PARD3: variants seen among roughly 807,000 people sequenced by gnomAD.
PARD3 encodes par-3 family cell polarity regulator, also known as partitioning defective 3 homolog.
A neutral mutation model predicts 155.4 loss-of-function variants in PARD3; 75 were observed. The ratio of observed to expected loss-of-function variants is 0.48; its 90% CI spans 0.40 to 0.58. PARD3 has a LOEUF of 0.58. Ranked by LOEUF, PARD3 falls within the 20% of genes least tolerant of loss-of-function variation. The pLI is 0.00. For synonymous variants in PARD3, 576 were observed against 610.5 expected (o/e 0.94, Z 0.83); for missense variants, 1,642 against 1,721.7 (o/e 0.95, Z 0.82).
intron 4 of PARD3, among the ~76,000 whole-genome samples, chr10:34,454,332 T>C (rs1275427162): frequency 2.0e-5 from 3 of 152,080 alleles, no homozygotes. Flanking sequence ...GCATACAATG[T>C]ATTAAATATT....
rs994346345 is a variant in PARD3, at chr10:34,359,196, C to T, written c.2018G>A (p.Arg673Gln). The stretch of plus-strand genomic sequence containing the variant: ...TGCAACAATAAGCTGGATCATTCCT[C>T]GTTTATTGCCTTCAGTAGACATAGA... ...RRSMSTEGNK[R>Q]GMIQLIVARR... The change falls in exon 14 of 25, where the codon CGA (arginine) becomes CAA (glutamine). Residue 673 changes from arginine to glutamine, a missense_variant. Arg to Gln is a conservative substitution (Grantham distance 43). Coordinates refer to ENST00000374788, the MANE Select transcript of PARD3 (RefSeq NM_001184785.2). The T allele has an allele frequency of 4.3e-6, 7 of 1,613,958 alleles. No individual in the cohort carries two copies. The highest frequency in any genetic ancestry group is 2.2e-5 in the East Asian group (1 of 44,864).
At chr10:34,367,632 C>T (rs1200500474) in intron 12 of PARD3, among the ~76,000 whole-genome samples, 1 of 152,056 alleles carries the variant, frequency 6.6e-6, no homozygotes, top group African/African-American at 2.4e-5. Flanking sequence ...TGAGCCTGGG[C>T]GAGAAGGTTG....
At chr10:34,306,626 G>A (rs1957422981) in intron 20 of PARD3, among the ~76,000 whole-genome samples, 1 of 152,090 alleles carries the variant, frequency 6.6e-6, no homozygotes, top group African/African-American at 2.4e-5. Context: ...TCCAGCCTGG[G>A]CAACAAGAGC....
chr10:34,162,609 A>G (rs1010765061), intron 22 of PARD3, among the ~76,000 whole-genome samples: 3 of 152,228 alleles, frequency 2.0e-5, no homozygotes, highest in Admixed American at 6.5e-5. Flanking sequence ...CTGCCCTTAC[A>G]GAACAACTGT....
At chr10:34,476,579 C>A (rs1269277699) in intron 3 of PARD3, among the ~76,000 whole-genome samples, 4 of 152,130 alleles carry the variant, frequency 2.6e-5, no homozygotes, top group African/African-American at 9.7e-5. Flanking sequence ...CTCTGGGCCT[C>A]CATCCCTAAT....
chr10:34,798,369 G>C (rs868290750), intron 1 of PARD3, among the ~76,000 whole-genome samples: 4 of 150,398 alleles, frequency 2.7e-5, no homozygotes, highest in Non-Finnish European at 3.0e-5. Flanking sequence ...GAAAGGAGAA[G>C]AAGAAATGAG....
chr10:34,640,109 G>A (rs1009640477), intron 2 of PARD3, among the ~76,000 whole-genome samples: 1 of 152,114 alleles, frequency 6.6e-6, no homozygotes, highest in African/African-American at 2.4e-5. Context: ...TTGTACAACT[G>A]AAGAAAGAAC....
In PARD3 at chr10:34,227,854, T is replaced by TATA. The variant is rs1952683542; in HGVS notation, c.3419+41802_3419+41803insTAT. On this transcript the variant is annotated intron_variant, in intron 22 of 24. Coordinates refer to ENST00000374788, the MANE Select transcript of PARD3 (RefSeq NM_001184785.2). ...TATATTCCCAGTAATGGGAATTATT[T>TATA]TTTATATATATATATATATATATAT... Among the ~76,000 whole-genome samples, 5 of 26,496 alleles carry TATA rather than the reference T, an allele frequency of 1.9e-4. 1 individual carries two copies. Among genetic ancestry groups the TATA allele is most frequent in the African/African-American group, 3.8e-4 (5 of 13,290 alleles). 17.4% of individuals were successfully genotyped at this position (26,496 alleles called of 152,430 possible). A position where few individuals can be genotyped will look rare whatever the true frequency, so the allele number is the denominator to read the frequency against.
At chr10:34,799,385 G>A (rs941355816) in intron 1 of PARD3, among the ~76,000 whole-genome samples, 2 of 152,066 alleles carry the variant, frequency 1.3e-5, no homozygotes, top group Non-Finnish European at 2.9e-5. Context: ...TGGGCCCCGA[G>A]ATTGTACATT....
rs374376457 is a variant in PARD3 at position 34,649,216 on chromosome 10, G to A, written c.222+47102C>T. Among the ~76,000 whole-genome samples the A allele has an allele frequency of 6.4e-4, 98 of 152,312 alleles. 1 individual carries two copies. Among genetic ancestry groups the A allele is most frequent in the African/African-American group, 2.3e-3 (97 of 41,564 alleles). ...TCTCAGCACTTCGGGAGCCAAGGAA[G>A]GAGGATTATTTGAGCTCAGGAGTTT... On this transcript the variant is annotated intron_variant, in intron 2 of 24. Transcript: ENST00000374788.
intron 2 of PARD3, among the ~76,000 whole-genome samples, chr10:34,654,885 T>C (rs1254390287): frequency 6.6e-6 from 1 of 151,850 alleles, no homozygotes; most frequent in African/African-American, 2.4e-5. Flanking sequence ...ACACACCTGT[T>C]ACCAGCTTTC....
chr10:34,499,841 A>G (rs1353471867), intron 3 of PARD3, among the ~76,000 whole-genome samples: 2 of 152,234 alleles, frequency 1.3e-5, no homozygotes, highest in Non-Finnish European at 2.9e-5. Flanking sequence ...AGAATGCTCC[A>G]GTCCTGGATA....
chr10:34,587,762 A>G (rs181487184), intron 2 of PARD3, among the ~76,000 whole-genome samples: 1 of 152,284 alleles, frequency 6.6e-6, no homozygotes, highest in East Asian at 1.9e-4. Flanking sequence ...ATGTAAAACC[A>G]TGACTAGTTA....
chr10:34,135,860 G>A (rs1315845293), intron 22 of PARD3, among the ~76,000 whole-genome samples: 2 of 152,326 alleles, frequency 1.3e-5, no homozygotes, highest in East Asian at 1.9e-4. Flanking sequence ...GAACTTACAC[G>A]TATATGAATT....
At chr10:34,246,367 T>C (rs1410163826) in intron 22 of PARD3, among the ~76,000 whole-genome samples, 1 of 152,136 alleles carries the variant, frequency 6.6e-6, no homozygotes, top group Non-Finnish European at 1.5e-5. Context: ...GGGACCAAGA[T>C]GGCTAAGACT....
At chr10:34,728,080 C>G (rs2094750894) in intron 1 of PARD3, among the ~76,000 whole-genome samples, 1 of 152,172 alleles carries the variant, frequency 6.6e-6, no homozygotes, top group African/African-American at 2.4e-5. Context: ...TTATTAGACT[C>G]TAGGCATTTC....
chr10:34,745,669 G>A (rs1835218092), intron 1 of PARD3, among the ~76,000 whole-genome samples: 1 of 152,182 alleles, frequency 6.6e-6, no homozygotes, highest in Admixed American at 6.5e-5. Flanking sequence ...GCTGGGCACA[G>A]TGGCTCATGC....
At chr10:34,516,110 AACC>A (rs2081739645) in intron 3 of PARD3, among the ~76,000 whole-genome samples, 1 of 152,006 alleles carries the variant, frequency 6.6e-6, no homozygotes, top group African/African-American at 2.4e-5. Flanking sequence ...GATTACAGGC[AACC>A]GCCACCACGC....
chr10:34,278,526 T>C lies in PARD3; in HGVS notation c.3176+5609A>G, dbSNP rs186072205. Among the ~76,000 whole-genome samples, 494 of 152,284 alleles carry C rather than the reference T, an allele frequency of 3.2e-3. 1 individual carries two copies. Among genetic ancestry groups the C allele is most frequent in the Non-Finnish European group, 4.6e-3 (312 of 68,024 alleles). On this transcript the variant is annotated intron_variant, in intron 21 of 24. Transcript: ENST00000374788. ...ATGGGAGGAACCAGGTGGAGATAAT[T>C]GAATCATGGGGGCGGTTTCCCCCTC...
Sources: allele counts gnomAD v4.1 joint callset (sites outside exome capture counted in the v4.1 genomes callset), GRCh38; gene constraint gnomAD v4.1.1; transcripts MANE v1.5; gene names NCBI Gene and HGNC (gene_info 2026-07-23, HGNC 2026-07-21).